Variants in GLIPR1L1 observed in about 807,000 individuals in gnomAD.
GLIPR1L1 encodes the protein GLIPR1 like 1, also known as GLIPR1-like protein 1.
Under a neutral mutation model 29.9 loss-of-function variants are expected in GLIPR1L1, and 26 were observed. The ratio of observed to expected loss-of-function variants is 0.87; its 90% CI spans 0.64 to 1.21. The LOEUF is 1.21. Ranked by LOEUF, GLIPR1L1 falls within the 50% of genes most tolerant of loss-of-function variation. The probability of loss-of-function intolerance (pLI) is 0.00; values close to 1 mark genes in which losing one functional copy is unlikely to be tolerated. For synonymous variants in GLIPR1L1, 77 were observed against 97.5 expected, an observed-to-expected ratio of 0.79 and a Z score of 1.24; for missense variants, 305 against 290.3, an observed-to-expected ratio of 1.05 and a Z score of -0.37.
Position 75,344,584 on chromosome 12 carries a change from C to A in GLIPR1L1, c.420+646C>A, listed in dbSNP as rs1036426383. ...ATATTTTCCCTGCTAGCTCTAGTATCTATGTTAGCTCTGTGTTAGTTTCAA... is the reference window on the plus strand; with the variant it reads ...ATATTTTCCCTGCTAGCTCTAGTATATATGTTAGCTCTGTGTTAGTTTCAA... On this transcript the variant is annotated intron_variant, in intron 2 of 5. Transcript: ENST00000378695. 4.6e-5 allele frequency among the ~76,000 whole-genome samples: 7 copies of A among 152,074 alleles called. No individual in the cohort carries two copies. In the East Asian group the frequency reaches 1.3e-3, roughly 29 times the overall value.
At chr12:75,359,097 G>A (rs2043369472) in intron 3 of GLIPR1L1, among the ~76,000 whole-genome samples, 1 of 150,072 alleles carries the variant, frequency 6.7e-6, no homozygotes, top group South Asian at 2.1e-4. Context: ...AAACAAATAA[G>A]TTTAGCAATC....
chr12:75,359,985 T>G (rs954402327), intron 3 of GLIPR1L1: 1 of 152,176 alleles, frequency 6.6e-6, no homozygotes, highest in Non-Finnish European at 1.5e-5. Context: ...AACAAGCACC[T>G]TCTTCACAGT....
rs550910503 is a variant in GLIPR1L1 at position 75,337,990 on chromosome 12, A to G, written c.174+3088A>G. Among the ~76,000 whole-genome samples, 24 of 152,248 alleles carry G rather than the reference A, an allele frequency of 1.6e-4. No individual in the cohort carries two copies. The South Asian group carries it at 5.0e-3, about 32-fold the overall frequency. On this transcript the variant is annotated intron_variant, in intron 1 of 5. Coordinates refer to ENST00000378695, the MANE Select transcript of GLIPR1L1 (RefSeq NM_001304964.2). ...TAAATAGTCTTATGCCATTACATAA[A>G]TTAAATACGTAATTTAAAATATTCT...
chr12:75,335,714 G>A (rs2041686483), intron 1 of GLIPR1L1, among the ~76,000 whole-genome samples: 1 of 151,972 alleles, frequency 6.6e-6, no homozygotes, highest in South Asian at 2.1e-4. Context: ...TATTTTGATG[G>A]AGAAAGATTC....
intron 1 of GLIPR1L1, among the ~76,000 whole-genome samples, chr12:75,341,353 C>T (rs1200941438): frequency 6.6e-6 from 1 of 152,196 alleles, no homozygotes; most frequent in African/African-American, 2.4e-5. Context: ...TGTAACATCC[C>T]CATGGCTCTC....
At chr12:75,366,319 T>C (rs545760571) in intron 4 of GLIPR1L1, among the ~76,000 whole-genome samples, 5 of 152,128 alleles carry the variant, frequency 3.3e-5, no homozygotes, top group Non-Finnish European at 7.4e-5. Context: ...GAAGATTGGA[T>C]CTAAACAGTG....
chr12:75,338,728 T>G (rs2041901976), intron 1 of GLIPR1L1, among the ~76,000 whole-genome samples: 1 of 152,168 alleles, frequency 6.6e-6, no homozygotes. Flanking sequence ...CTATTAGCTA[T>G]TCTTCCTGAA....
rs532650673 is a variant in GLIPR1L1, at chr12:75,359,150, T to C, written c.522-3952T>C. 2.0e-5 allele frequency among the ~76,000 whole-genome samples: 3 copies of C among 150,526 alleles called. No individual in the cohort carries two copies. The East Asian group carries it at 5.8e-4, about 29-fold the overall frequency. On this transcript the variant is annotated intron_variant, in intron 3 of 5. Transcript: ENST00000378695. Reference sequence around the variant, plus strand: ...AGTATACAAAAATTAATTACATGTCTGTATACTAACACTTAACCAGAAATT... The same window carrying C: ...AGTATACAAAAATTAATTACATGTCCGTATACTAACACTTAACCAGAAATT...
chr12:75,356,502 A>G (rs1382556844), intron 3 of GLIPR1L1, among the ~76,000 whole-genome samples: 1 of 152,220 alleles, frequency 6.6e-6, no homozygotes, highest in Non-Finnish European at 1.5e-5. Flanking sequence ...AAAGATGCAC[A>G]CTATAAATTC....
intron 2 of GLIPR1L1, among the ~76,000 whole-genome samples, chr12:75,346,405 T>C (rs77126217): frequency 0.038 from 5,768 of 152,242 alleles, 126 homozygotes; most frequent in East Asian, 0.052. Flanking sequence ...CTTTTTTTTT[T>C]TTTGAGACGG....
At chr12:75,346,911 C>A (rs187682257) in intron 2 of GLIPR1L1, among the ~76,000 whole-genome samples, 7 of 151,900 alleles carry the variant, frequency 4.6e-5, no homozygotes, top group Non-Finnish European at 8.8e-5. Flanking sequence ...ATGGAGTAAA[C>A]CAGTATTTTT....
chr12:75,336,475 A>C, intron 1 of GLIPR1L1, among the ~76,000 whole-genome samples: 1 of 151,862 alleles, frequency 6.6e-6, no homozygotes, highest in East Asian at 1.9e-4. Context: ...GAAAAAATAC[A>C]TTATGCAAAC....
At chr12:75,342,324 A>G (rs1391046457) in intron 1 of GLIPR1L1, among the ~76,000 whole-genome samples, 1 of 152,238 alleles carries the variant, frequency 6.6e-6, no homozygotes, top group Non-Finnish European at 1.5e-5. Context: ...TACCAATGTC[A>G]ATTTCTTATT....
At chr12:75,370,041 A>C (rs1237553779) in intron 5 of GLIPR1L1, 44 bp from the exon 6 acceptor site, 2 of 1,321,842 alleles carry the variant, frequency 1.5e-6, no homozygotes, top group Non-Finnish European at 2.2e-6. Context: ...GTTGAAAATC[A>C]ATTGAACTCT....
intron 4 of GLIPR1L1, among the ~76,000 whole-genome samples, chr12:75,363,576 A>G (rs2043762983): frequency 6.6e-6 from 1 of 152,204 alleles, no homozygotes; most frequent in Non-Finnish European, 1.5e-5. Flanking sequence ...TATGATTTAA[A>G]ACTAACATGT....
intron 3 of GLIPR1L1, among the ~76,000 whole-genome samples, chr12:75,349,171 A>G (rs182049019): frequency 6.6e-6 from 1 of 152,334 alleles, no homozygotes; most frequent in Non-Finnish European, 1.5e-5. Flanking sequence ...GAAGCATCTG[A>G]AAGAATAAGA....
chr12:75,365,768 T>G (rs2043923955), intron 4 of GLIPR1L1, among the ~76,000 whole-genome samples: 1 of 152,126 alleles, frequency 6.6e-6, no homozygotes, highest in Non-Finnish European at 1.5e-5. Flanking sequence ...TAACCATTTT[T>G]ATACCCTATG....
intron 4 of GLIPR1L1, chr12:75,364,874 T>C (rs2043861955): frequency 6.6e-6 from 1 of 152,194 alleles, no homozygotes; most frequent in African/African-American, 2.4e-5. Context: ...GGAGGCTTTG[T>C]CATGGGTATC....
chr12:75,357,188 G>A (rs556737300), intron 3 of GLIPR1L1, among the ~76,000 whole-genome samples: 8 of 152,098 alleles, frequency 5.3e-5, no homozygotes, highest in South Asian at 4.1e-4. Context: ...AGACTCCATC[G>A]CTAAATAAAT....
Sources: allele counts gnomAD v4.1 joint callset (sites outside exome capture counted in the v4.1 genomes callset), GRCh38; gene constraint gnomAD v4.1.1; transcripts MANE v1.5; gene names NCBI Gene and HGNC (gene_info 2026-07-23, HGNC 2026-07-21).